The following DLC1 variants were observed in gnomAD, a reference collection of about 807,000 sequenced individuals.
The protein encoded by DLC1 is rho GTPase-activating protein 7.
Under a neutral mutation model 140.3 loss-of-function variants are expected in DLC1, and 54 were observed. That is an observed-to-expected ratio of 0.38 (90% CI 0.31 to 0.48). The LOEUF (loss-of-function observed/expected upper bound fraction) is 0.48. Among genes scored for constraint, DLC1 ranks in the 20% least tolerant of loss-of-function variants. The probability of loss-of-function intolerance (pLI) is 0.96; values close to 1 mark genes in which losing one functional copy is unlikely to be tolerated. For missense variants in DLC1, 2,536 were observed against 1,907.0 expected (o/e 1.33, Z -6.14); for synonymous variants, 986 against 728.1 (o/e 1.35, Z -5.70).
intron 5 of DLC1, among the ~76,000 whole-genome samples, chr8:13,248,440 C>T (rs571800169): frequency 6.6e-6 from 1 of 152,220 alleles, no homozygotes; most frequent in South Asian, 2.1e-4. Flanking sequence ...TCCTTATTCT[C>T]CCAACTCTTT....
chr8:13,232,499 A>G (rs1185019585), intron 5 of DLC1, among the ~76,000 whole-genome samples: 1 of 152,000 alleles, frequency 6.6e-6, no homozygotes, highest in African/African-American at 2.4e-5. Flanking sequence ...ATGCCTGGCT[A>G]ATTTTTGTAT....
chr8:13,233,293 T>TAAAAAAAAAAAAAAA lies in DLC1; in HGVS notation c.1348+71961_1348+71975dup, dbSNP rs71207134. ...CTGGGCGATAGAATAAGACTCTGTATAAAAAAAAAAAAAAAAAAAAAAAAA... is the reference window on the plus strand; with the variant it reads ...CTGGGCGATAGAATAAGACTCTGTATAAAAAAAAAAAAAAAAAAAAAAAAAAAAAAAAAAAAAAAA... On this transcript the variant is annotated intron_variant, in intron 5 of 17. Transcript: ENST00000276297. Among the ~76,000 whole-genome samples the TAAAAAAAAAAAAAAA allele has an allele frequency of 7.1e-5, 5 of 70,388 alleles. 1 individual carries two copies. The highest frequency in any genetic ancestry group is 2.3e-4 in the African/African-American group (4 of 17,300). The allele number at this position is 70,388 out of a possible 152,430, so 46.2% of individuals were successfully genotyped here.
intron 1 of DLC1, among the ~76,000 whole-genome samples, chr8:13,514,077 G>A (rs1198349320): frequency 6.6e-6 from 1 of 151,878 alleles, no homozygotes; most frequent in South Asian, 2.1e-4. Flanking sequence ...TACAGGAGAA[G>A]CTTGACATAT....
rs191815802 is a variant in DLC1, at chr8:13,119,287, C to A, written c.1349-3630G>T. On this transcript the variant is annotated intron_variant, in intron 5 of 17. Transcript: ENST00000276297. Reference sequence around the variant, plus strand: ...CTGGCAAGGTTTTCAAGGCTCTCCACTTGGCATCCAACCTAATTGTTCAGC... The same window carrying A: ...CTGGCAAGGTTTTCAAGGCTCTCCAATTGGCATCCAACCTAATTGTTCAGC... Among the ~76,000 whole-genome samples, 3 of 151,400 alleles carry A rather than the reference C, an allele frequency of 2.0e-5. No individual in the cohort carries two copies. In the East Asian group the frequency reaches 5.8e-4, roughly 30 times the overall value.
At chr8:13,337,761 G>C (rs1188019487) in intron 4 of DLC1, among the ~76,000 whole-genome samples, 2 of 152,214 alleles carry the variant, frequency 1.3e-5, no homozygotes, top group East Asian at 1.9e-4. Flanking sequence ...TACCATTACT[G>C]TTGTTTAACA....
At chr8:13,219,352 T>C (rs1310472626) in intron 5 of DLC1, among the ~76,000 whole-genome samples, 1 of 145,288 alleles carries the variant, frequency 6.9e-6, no homozygotes, top group Non-Finnish European at 1.5e-5. Flanking sequence ...ATAAATCATA[T>C]AGTTATATAA....
At chr8:13,348,932 G>A (rs1834502621) in intron 4 of DLC1, among the ~76,000 whole-genome samples, 1 of 152,110 alleles carries the variant, frequency 6.6e-6, no homozygotes, top group African/African-American at 2.4e-5. Context: ...GCTGGAAAAC[G>A]GAAAGTGCTC....
chr8:13,099,789 T>G lies in DLC1; in HGVS notation c.2548A>C (p.Ser850Arg), dbSNP rs2128936746. Reference protein sequence around the residue: ...TGSFHGPGHISLRRENSSDSP... With the variant: ...TGSFHGPGHIRLRRENSSDSP... ...TCGCTACTGTTTTCCCTCCTGAGGCTGATGTGGCCAGGGCCGTGGAAGCTT... is the reference window on the plus strand; with the variant it reads ...TCGCTACTGTTTTCCCTCCTGAGGCGGATGTGGCCAGGGCCGTGGAAGCTT... Residue 850 changes from serine to arginine, a missense_variant, in exon 9 of 18, where the codon AGC becomes CGC. By Grantham distance (110) the Ser-to-Arg change is moderately radical (BLOSUM62 -1). Coordinates refer to ENST00000276297, the MANE Select transcript of DLC1 (RefSeq NM_182643.3). The G allele has an allele frequency of 1.9e-6, 3 of 1,614,138 alleles. No individual in the cohort carries two copies. In the East Asian group the frequency reaches 6.7e-5, roughly 36 times the overall value.
At chr8:13,213,988 TGG>T (rs1828069006) in intron 5 of DLC1, among the ~76,000 whole-genome samples, 2 of 152,186 alleles carry the variant, frequency 1.3e-5, no homozygotes, top group African/African-American at 4.8e-5. Flanking sequence ...TTCTCCATGT[TGG>T]CCAGGCCGCT....
At chr8:13,529,213 A>G (rs1563422428) in intron 1 of DLC1, among the ~76,000 whole-genome samples, 3 of 152,192 alleles carry the variant, frequency 2.0e-5, no homozygotes. Context: ...AAGAAAAAAA[A>G]CAGAACAATT....
At chr8:13,484,555 C>G (rs1448461070) in intron 2 of DLC1, among the ~76,000 whole-genome samples, 1 of 152,064 alleles carries the variant, frequency 6.6e-6, no homozygotes, top group Non-Finnish European at 1.5e-5. Flanking sequence ...AAACTCCTTC[C>G]TTAAGGAAAG....
At chr8:13,303,192 CA>C (rs1832272564) in intron 5 of DLC1, among the ~76,000 whole-genome samples, 1 of 152,066 alleles carries the variant, frequency 6.6e-6, no homozygotes, top group Admixed American at 6.6e-5. Flanking sequence ...GAGTAAATTC[CA>C]ATCATTCTAA....
At chr8:13,161,506 A>G (rs1824695119) in intron 5 of DLC1, among the ~76,000 whole-genome samples, 1 of 152,018 alleles carries the variant, frequency 6.6e-6, no homozygotes, top group African/African-American at 2.4e-5. Context: ...ACACCTGGCT[A>G]ATTTTTTACT....
At chr8:13,151,658 C>G (rs943086030) in intron 5 of DLC1, among the ~76,000 whole-genome samples, 38 of 152,148 alleles carry the variant, frequency 2.5e-4, no homozygotes, top group African/African-American at 8.7e-4. Context: ...GATTGCCATC[C>G]AGAAACTAAA....
In DLC1 at chr8:13,567,616, C is replaced by G. The variant is rs1554544920; in HGVS notation, c.-126+36921G>C. ...CTATTGTAACAGGAAAAGAGCGGAGCTGGCCCTGTCTGCCTTTCTGAAACA... is the reference window on the plus strand; with the variant it reads ...CTATTGTAACAGGAAAAGAGCGGAGGTGGCCCTGTCTGCCTTTCTGAAACA... On this transcript the variant is annotated intron_variant, in intron 1 of 1. Transcript: ENST00000631382. 4.6e-5 allele frequency: 71 copies of G among 1,551,590 alleles called. 3 individuals carry two copies. In the South Asian group the frequency reaches 8.3e-4, roughly 18 times the overall value.
chr8:13,171,905 C>G (rs985941551), intron 5 of DLC1, among the ~76,000 whole-genome samples: 1 of 152,122 alleles, frequency 6.6e-6, no homozygotes, highest in African/African-American at 2.4e-5. Context: ...AAAGTGAATT[C>G]CAAATGAATC....
At chr8:13,593,398 T>G (rs577348864) in intron 1 of DLC1, among the ~76,000 whole-genome samples, 10 of 152,254 alleles carry the variant, frequency 6.6e-5, no homozygotes, top group African/African-American at 2.4e-4. Flanking sequence ...AGAAGCTGAG[T>G]GTAACCATTC....
At chr8:13,204,628 A>G (rs918238772) in intron 5 of DLC1, among the ~76,000 whole-genome samples, 1 of 152,186 alleles carries the variant, frequency 6.6e-6, no homozygotes, top group African/African-American at 2.4e-5. Context: ...TGGCTATTTC[A>G]TTTCATTATG....
intron 1 of DLC1, among the ~76,000 whole-genome samples, chr8:13,502,080 A>G (rs1211718130): frequency 1.3e-5 from 2 of 152,248 alleles, no homozygotes; most frequent in African/African-American, 4.8e-5. Context: ...CTAAGAAGAA[A>G]TATAGTTTTA....
Sources: gnomAD v4.1 joint callset for allele counts (sites outside exome capture counted in the v4.1 genomes callset) on GRCh38, gnomAD v4.1.1 for gene constraint, MANE v1.5 for transcripts, NCBI Gene and HGNC (gene_info 2026-07-23, HGNC 2026-07-21) for gene names.